TRIM41: variants seen among roughly 807,000 people sequenced by gnomAD.
The protein encoded by TRIM41 is tripartite motif containing 41.
In TRIM41, 21 loss-of-function variants were observed where a neutral mutation model predicts 60.6. The ratio of observed to expected loss-of-function variants is 0.35; its 90% confidence interval spans 0.25 to 0.50. The LOEUF is 0.50. TRIM41 is among the 20% of genes least tolerant of loss of function. TRIM41 has a pLI of 0.98. For missense variants in TRIM41, 846 were observed against 868.3 expected (o/e 0.97, Z 0.32); for synonymous variants, 407 against 344.9 (o/e 1.18, Z -2.00).
At position 181,235,305 on chromosome 5, in the gene TRIM41, G is replaced by T. The variant is rs1177722560; in HGVS notation, c.*530G>T. The T allele has an allele frequency of 6.2e-7, 1 of 1,614,140 alleles. No individual in the cohort carries two copies. Among genetic ancestry groups the T allele is most frequent in the Admixed American group, 1.7e-5 (1 of 60,024 alleles). On this transcript the variant is annotated 3_prime_UTR_variant, in exon 6 of 6. Coordinates refer to ENST00000315073, the MANE Select transcript of TRIM41 (RefSeq NM_033549.5). Reference sequence around the variant, plus strand: ...GGTAATAAATGTCTATTCTCCTGGGGAGGAGGGATTCTAAACTTTCCTTCC... The same window carrying T: ...GGTAATAAATGTCTATTCTCCTGGGTAGGAGGGATTCTAAACTTTCCTTCC...
chr5:181,235,590 C>T lies in TRIM41; in HGVS notation c.*815C>T, dbSNP rs909103410. 2.9e-6 allele frequency: 2 copies of T among 695,218 alleles called. No homozygotes were observed. The highest frequency in any genetic ancestry group is 4.8e-6 in the Non-Finnish European group (2 of 419,742). The allele number at this position is 695,218 out of a possible 1,614,324, so 43.1% of individuals were successfully genotyped here. On this transcript the variant is annotated 3_prime_UTR_variant, in exon 6 of 6. Transcript: ENST00000315073. ...GTGGAGCTGGCTTTTCTCCCAGCCC[C>T]TTTCCATGCCTTTCACTCCATTTGG...
In TRIM41 at chr5:181,234,208, G is replaced by A. The variant is rs1220577150; in HGVS notation, c.1326G>A (p.Pro442=). The A allele has an allele frequency of 2.5e-6, 4 of 1,612,902 alleles. No individual in the cohort carries two copies. The highest frequency in any genetic ancestry group is 2.2e-5 in the South Asian group (2 of 91,074). Reference sequence around the variant, plus strand: ...CGCTGGACCCTGACACGGCTCACCCGGCCCTGATGCTGTCCCCTGACCGCC... The same window carrying A: ...CGCTGGACCCTGACACGGCTCACCCAGCCCTGATGCTGTCCCCTGACCGCC... ...DLTLDPDTAH[P]ALMLSPDRRG... is the part of the protein sequence containing the mutation. Residue 442 remains proline (P), a synonymous_variant, in exon 6 of 6, where the codon CCG becomes CCA. Transcript: ENST00000315073. The surrounding 1 kb of genome is among the most constrained non-coding windows in gnomAD (Gnocchi z 5.6).
At position 181,224,026 on chromosome 5, in the gene TRIM41, C is replaced by G; in HGVS notation, c.27C>G (p.Asn9Lys). The stretch of plus-strand genomic sequence containing the variant: ...TGGCTGCCGTTGCCATGACACCCAA[C>G]CCTGTGCAGACCCTTCAGGAGGAGG... MAAVAMTP[N>K]PVQTLQEEAV... is the part of the protein sequence containing the mutation. Residue 9 changes from asparagine to lysine, a missense_variant, in exon 1 of 6, where the codon AAC becomes AAG. Transcript: ENST00000315073. 2 of 1,614,060 alleles carry G rather than the reference C, an allele frequency of 1.2e-6. No homozygotes were observed. Among genetic ancestry groups the G allele is most frequent in the Non-Finnish European group, 1.7e-6 (2 of 1,179,976 alleles).
At position 181,233,662 on chromosome 5, in the gene TRIM41, C is replaced by T; in HGVS notation, c.1190C>T (p.Pro397Leu). 2.5e-6 allele frequency: 4 copies of T among 1,614,210 alleles called. No individual in the cohort carries two copies. Among genetic ancestry groups the T allele is most frequent in the South Asian group, 1.1e-5 (1 of 91,086 alleles). Residue 397 changes from proline (P) to leucine (L), a missense_variant, in exon 5 of 6, where the codon CCA becomes CTA. By Grantham distance (98) the Pro-to-Leu change is moderately conservative. Coordinates refer to ENST00000315073, the MANE Select transcript of TRIM41 (RefSeq NM_033549.5). The surrounding 1 kb of genome is among the most constrained non-coding windows in gnomAD (Gnocchi z 4.1). The part of the protein sequence containing the change: ...NRCEEVQLQP[P>L]EVWSPDPCQP... ...TGTGAAGAGGTACAGCTGCAGCCCC[C>T]AGAGGTCTGGTCCCCTGACCCGTGC... is the stretch of plus-strand genomic sequence containing the variant.
chr5:181,224,292 A>T lies in TRIM41; in HGVS notation c.293A>T (p.Glu98Val). 6.2e-7 allele frequency: 1 copy of T among 1,613,922 alleles called. No homozygotes were observed. The highest frequency in any genetic ancestry group is 1.1e-5 in the South Asian group (1 of 91,072). Residue 98 changes from glutamate (E) to valine (V), a missense_variant, in exon 1 of 6, where the codon GAG (glutamate) becomes GTG (valine). Physicochemically the swap from Glu to Val is moderately radical, Grantham distance 121 (BLOSUM62 -2). Coordinates refer to ENST00000315073, the MANE Select transcript of TRIM41 (RefSeq NM_033549.5). Reference sequence around the variant, plus strand: ...GACTACGAGGGTGACATGGAGGAGGAGGTCGAGGAGGAAGAAGAGGGTGTG... The same window carrying T: ...GACTACGAGGGTGACATGGAGGAGGTGGTCGAGGAGGAAGAAGAGGGTGTG... ...DEDYEGDMEEEVEEEEEGVFW... is the reference protein window; with the variant it reads ...DEDYEGDMEEVVEEEEEGVFW...
At chr5:181,230,195 A>G (rs1047942538) in intron 1 of TRIM41, 1 of 152,588 alleles carries the variant, frequency 6.6e-6, no homozygotes, top group Non-Finnish European at 1.5e-5. Flanking sequence ...CTACCTTTAG[A>G]GAATACACAC....
rs369817674 is a variant in TRIM41 at position 181,233,333 on chromosome 5, C to T, written c.1141-80C>T. 194 of 1,433,494 alleles carry T rather than the reference C, an allele frequency of 1.4e-4. 2 individuals carry two copies. In the South Asian group the frequency reaches 1.5e-3, roughly 11 times the overall value. 88.8% of individuals were successfully genotyped at this position (1,433,494 alleles called of 1,614,324 possible). A position where few individuals can be genotyped will look rare whatever the true frequency, so the allele number is the denominator to read the frequency against. On this transcript the variant is annotated intron_variant, in intron 3 of 5. Transcript: ENST00000315073. The surrounding 1 kb of genome is among the most constrained non-coding windows in gnomAD (Gnocchi z 4.1). ...TCAGGTTCAGTCTCTGACTGGAGAT[C>T]GGGGAACGCTGTCCCTGTGCAGCTG...
rs1554103909 is a variant in TRIM41 at position 181,235,012 on chromosome 5, G to C, written c.*237G>C. On this transcript the variant is annotated 3_prime_UTR_variant, in exon 6 of 6. Transcript: ENST00000315073. ...GTCCAACAGGTCTGCATGGGTCCCTGATAATGAGAACAGCTGCCTGGTCTT... is the reference window on the plus strand; with the variant it reads ...GTCCAACAGGTCTGCATGGGTCCCTCATAATGAGAACAGCTGCCTGGTCTT... 2 of 1,614,042 alleles carry C rather than the reference G, an allele frequency of 1.2e-6. No individual in the cohort carries two copies. The highest frequency in any genetic ancestry group is 1.1e-5 in the South Asian group (1 of 91,084).
rs1315067219 is a variant in TRIM41, at chr5:181,235,532, TGCTCACTGCCAG to T, written c.*762_*773del. 1 of 1,163,302 alleles carries T rather than the reference TGCTCACTGCCAG, an allele frequency of 8.6e-7. No individual in the cohort carries two copies. Among genetic ancestry groups the T allele is most frequent in the East Asian group, 2.6e-5 (1 of 38,934 alleles). 72.1% of individuals were successfully genotyped at this position (1,163,302 alleles called of 1,614,324 possible). Reference sequence around the variant, plus strand: ...TCCCACCCCACACCCCTCCCAGGTCTGCTCACTGCCAGGCTCCTCTCCCCTTTGTTCAGTGGA... The same window carrying T: ...TCCCACCCCACACCCCTCCCAGGTCTGCTCCTCTCCCCTTTGTTCAGTGGA... On this transcript the variant is annotated 3_prime_UTR_variant, in exon 6 of 6. Coordinates refer to ENST00000315073, the MANE Select transcript of TRIM41 (RefSeq NM_033549.5).
At chr5:181,224,950 C>G (rs762078917) in intron 1 of TRIM41, 138 bp downstream of exon 1, 13 of 1,032,052 alleles carry the variant, frequency 1.3e-5, no homozygotes, top group Admixed American at 2.2e-5. Flanking sequence ...TATCTAAGCA[C>G]TTACTGCCAC....
Position 181,233,802 on chromosome 5 carries a change from C to T in TRIM41, c.1291+39C>T, listed in dbSNP as rs188553213. 1.3e-5 allele frequency: 21 copies of T among 1,614,044 alleles called. No homozygotes were observed. The highest frequency in any genetic ancestry group is 3.3e-4 in the Middle Eastern group (2 of 6,062). ...CTCCACGACCTTCCTTTGCCTTTCC[C>T]TTCACAGACCTGAGACTGGGTCCTG... On this transcript the variant is annotated intron_variant, in intron 5 of 5. Transcript: ENST00000315073. The surrounding 1 kb of genome is among the most constrained non-coding windows in gnomAD (Gnocchi z 4.1).
rs1758920390 is a variant in TRIM41 at position 181,233,839 on chromosome 5, GC to G, written c.1291+80del. The stretch of plus-strand genomic sequence containing the variant: ...GAGACTGGGTCCTGAGGGAAGTTGG[GC>G]CCCAGGGAAACTGTGGGGCTTGAGA... On this transcript the variant is annotated intron_variant, in intron 5 of 5. Transcript: ENST00000315073. This position sits in a 1 kb window ranked among gnomAD's most constrained non-coding sequence, Gnocchi z 4.1. 5 of 1,605,566 alleles carry G rather than the reference GC, an allele frequency of 3.1e-6. No homozygotes were observed. The highest frequency in any genetic ancestry group is 1.3e-5 in the African/African-American group (1 of 74,768).
In TRIM41 at chr5:181,234,844, G is replaced by GT. The variant is rs1350174934; in HGVS notation, c.*72dup. 8.7e-6 allele frequency: 14 copies of GT among 1,608,308 alleles called. No individual in the cohort carries two copies. Among genetic ancestry groups the GT allele is most frequent in the Non-Finnish European group, 1.2e-5 (14 of 1,177,702 alleles). ...GTGGGTGGTGGAGGGTGGCCCGTAA[G>GT]TTTGAGGGCTCAAAGGCTCTTCCCA... On this transcript the variant is annotated 3_prime_UTR_variant, in exon 6 of 6. Transcript: ENST00000315073. The surrounding 1 kb of genome is among the most constrained non-coding windows in gnomAD (Gnocchi z 5.6).
chr5:181,232,873 G>T lies in TRIM41; in HGVS notation c.1124G>T (p.Gly375Val), dbSNP rs1281970064. The T allele has an allele frequency of 6.5e-7, 1 of 1,541,682 alleles. No homozygotes were observed. Among genetic ancestry groups the T allele is most frequent in the Admixed American group, 2.0e-5 (1 of 51,214 alleles). The change falls in exon 3 of 6, where the codon GGT becomes GTT. Residue 375 changes from glycine (G) to valine (V), a missense_variant. Physicochemically the swap from Gly to Val is moderately radical, Grantham distance 109 (BLOSUM62 -3). Coordinates refer to ENST00000315073, the MANE Select transcript of TRIM41 (RefSeq NM_033549.5). The stretch of plus-strand genomic sequence containing the variant: ...GCCCAGGAGCGGAGCCAGCAGGGGG[G>T]TCTCCGGCTGCTCCAGGTGAGCAAT... ...AEAQERSQQG[G>V]LRLLQDIKET...
intron 1 of TRIM41, 37 bp downstream of exon 1, chr5:181,224,849 G>A: frequency 1.2e-6 from 2 of 1,613,348 alleles, no homozygotes; most frequent in South Asian, 2.2e-5. Flanking sequence ...GAGTTTAGTG[G>A]GGGGATGGAG....
chr5:181,229,930 G>A (rs144079901), intron 1 of TRIM41: 7 of 152,540 alleles, frequency 4.6e-5, no homozygotes, highest in African/African-American at 1.7e-4. Flanking sequence ...TTAAGAGTCT[G>A]TGTGGAAGGC....
In TRIM41 at chr5:181,230,765, G is replaced by C. The variant is rs778411536; in HGVS notation, c.835G>C (p.Glu279Gln). The C allele has an allele frequency of 3.1e-6, 5 of 1,613,206 alleles. No individual in the cohort carries two copies. Among genetic ancestry groups the C allele is most frequent in the Non-Finnish European group, 4.2e-6 (5 of 1,179,470 alleles). The part of the protein sequence containing the change: ...EYKAKLQGHV[E>Q]PLRKHLEAVQ... ...TCAGGCCAAACTGCAGGGGCACGTG[G>C]AACCACTGAGGAAGCACCTGGAGGC... The change falls in exon 2 of 6, where the codon GAA becomes CAA. Residue 279 changes from glutamate to glutamine, a missense_variant. Coordinates refer to ENST00000315073, the MANE Select transcript of TRIM41 (RefSeq NM_033549.5).
At chr5:181,228,440 C>T (rs576242473) in intron 1 of TRIM41, 1 of 150,660 alleles carries the variant, frequency 6.6e-6, no homozygotes, top group East Asian at 2.0e-4. Context: ...TGCCTGTAAT[C>T]CCAGCTACTC....
chr5:181,235,632 G>C lies in TRIM41; in HGVS notation c.*857G>C, dbSNP rs1428801124. On this transcript the variant is annotated 3_prime_UTR_variant, in exon 6 of 6. Coordinates refer to ENST00000315073, the MANE Select transcript of TRIM41 (RefSeq NM_033549.5). ...TCCATTTGGCAAGCTCTGAGGGGGAGCCTGGGGACGGGTTTGGGTCCCCAG... is the reference window on the plus strand; with the variant it reads ...TCCATTTGGCAAGCTCTGAGGGGGACCCTGGGGACGGGTTTGGGTCCCCAG... 1 of 546,188 alleles carries C rather than the reference G, an allele frequency of 1.8e-6. No individual in the cohort carries two copies. The highest frequency in any genetic ancestry group is 1.9e-5 in the African/African-American group (1 of 52,904). The allele number at this position is 546,188 out of a possible 1,614,324, so 33.8% of individuals were successfully genotyped here. A position where few individuals can be genotyped will look rare whatever the true frequency, so the allele number is the denominator to read the frequency against.
Sources: gnomAD v4.1 joint callset for allele counts on GRCh38, gnomAD v4.1.1 for gene constraint, Gnocchi (gnomAD v3.1) non-coding constraint, MANE v1.5 for transcripts, NCBI Gene and HGNC (gene_info 2026-07-23, HGNC 2026-07-21) for gene names.